DHRS3: variants seen among roughly 807,000 people sequenced by gnomAD.
The protein encoded by DHRS3 is dehydrogenase/reductase 3.
A neutral mutation model predicts 27.2 loss-of-function variants in DHRS3; 14 were observed. The ratio of observed to expected loss-of-function variants is 0.52; its 90% CI spans 0.34 to 0.81. The LOEUF (loss-of-function observed/expected upper bound fraction) is 0.81, where lower values mean the gene tolerates loss of function less well. DHRS3 is among the 30% of genes least tolerant of loss of function. The pLI is 0.01. For missense variants in DHRS3, 322 were observed against 406.2 expected (o/e 0.79, Z 1.78); for synonymous variants, 165 against 175.9 (o/e 0.94, Z 0.49).
intron 1 of DHRS3, among the ~76,000 whole-genome samples, chr1:12,611,284 T>C (rs1478859765): frequency 6.6e-6 from 1 of 152,186 alleles, no homozygotes; most frequent in Non-Finnish European, 1.5e-5. Flanking sequence ...TCAGTATTGC[T>C]AGATGGAGGA....
At chr1:12,582,938 C>T (rs1478061492) in intron 1 of DHRS3, among the ~76,000 whole-genome samples, 1 of 150,894 alleles carries the variant, frequency 6.6e-6, no homozygotes, top group East Asian at 2.0e-4. Context: ...ACCCACCCCA[C>T]TCCATCCATC....
At chr1:12,596,380 AGGT>A (rs951895232) in intron 1 of DHRS3, 1 of 152,112 alleles carries the variant, frequency 6.6e-6, no homozygotes, top group African/African-American at 2.4e-5. Context: ...GAGATTGGGG[AGGT>A]GCCTGCCTTT....
chr1:12,611,392 A>G (rs1453150850), intron 1 of DHRS3, among the ~76,000 whole-genome samples: 1 of 152,242 alleles, frequency 6.6e-6, no homozygotes, highest in African/African-American at 2.4e-5. Flanking sequence ...TGGGTCCCTT[A>G]TTCCTTTAGA....
intron 1 of DHRS3, among the ~76,000 whole-genome samples, chr1:12,606,994 T>C (rs1213648591): frequency 6.6e-6 from 1 of 152,188 alleles, no homozygotes; most frequent in Non-Finnish European, 1.5e-5. Flanking sequence ...ATAGTTTTTT[T>C]GGGATGTTCA....
chr1:12,572,707 T>C, intron 5 of DHRS3, 21 bp downstream of exon 5: 1 of 1,571,938 alleles, frequency 6.4e-7, no homozygotes, highest in Non-Finnish European at 8.6e-7. Context: ...TGACCCAGAG[T>C]GTTCTTTCCC....
At chr1:12,610,716 CTT>C (rs1356588434) in intron 1 of DHRS3, among the ~76,000 whole-genome samples, 1 of 152,214 alleles carries the variant, frequency 6.6e-6, no homozygotes, top group Non-Finnish European at 1.5e-5. Context: ...AATAGACTCA[CTT>C]TTCTCATTTC....
chr1:12,597,860 C>G (rs768147073), intron 1 of DHRS3, among the ~76,000 whole-genome samples: 4 of 152,196 alleles, frequency 2.6e-5, no homozygotes, highest in African/African-American at 7.2e-5. Flanking sequence ...GAGCCTCAAA[C>G]CAAGTGTAGG....
At chr1:12,582,689 A>G (rs76592017) in intron 1 of DHRS3, among the ~76,000 whole-genome samples, 1,700 of 152,068 alleles carry the variant, frequency 0.011, 30 homozygotes, top group African/African-American at 0.039. Flanking sequence ...CCTTGCAGCC[A>G]TTGTCATCCA....
At position 12,568,428 on chromosome 1, in the gene DHRS3, G is replaced by C; in HGVS notation, c.825-4C>G. 6.2e-7 allele frequency: 1 copy of C among 1,613,330 alleles called. No homozygotes were observed. Among genetic ancestry groups the C allele is most frequent in the Non-Finnish European group, 8.5e-7 (1 of 1,179,332 alleles). ...GAGTGCAGCCTGTGGAAGTATGCTG[G>C]AGTAGGAGGAAGAAAAGAAGATAGC... On this transcript the variant is annotated splice_polypyrimidine_tract_variant and splice_region_variant and intron_variant, in intron 5 of 5. Coordinates refer to ENST00000616661, the MANE Select transcript of DHRS3 (RefSeq NM_004753.7).
Position 12,608,972 on chromosome 1 carries a change from G to T in DHRS3, c.195+8182C>A, listed in dbSNP as rs1375039043. 6.6e-6 allele frequency among the ~76,000 whole-genome samples: 1 copy of T among 152,194 alleles called. No individual in the cohort carries two copies. Among genetic ancestry groups the T allele is most frequent in the African/African-American group, 2.4e-5 (1 of 41,450 alleles). On this transcript the variant is annotated intron_variant, in intron 1 of 5. Coordinates refer to ENST00000616661, the MANE Select transcript of DHRS3 (RefSeq NM_004753.7). The surrounding 1 kb of genome is among the most constrained non-coding windows in gnomAD (Gnocchi z 4.1). ...CTGGATACCTTCCAGTTGGTCAAGG[G>T]CCCTGTCAAAGTGCTGGCCCACATG...
Position 12,580,563 on chromosome 1 carries a change from C to T in DHRS3, c.299G>A (p.Arg100Gln), listed in dbSNP as rs779115636. 2.4e-5 allele frequency: 38 copies of T among 1,614,078 alleles called. No individual in the cohort carries two copies. Among genetic ancestry groups the T allele is most frequent in the Non-Finnish European group, 3.0e-5 (35 of 1,180,042 alleles). ...CTTGGCCGTCTGGTACACCTCCTCC[C>T]GGTTGCCCACATCACAGATGAAGTA... ...CHYFICDVGN[R>Q]EEVYQTAKAV... is the part of the protein sequence containing the mutation. The change falls in exon 2 of 6, where the codon CGG becomes CAG. Residue 100 changes from arginine (R) to glutamine (Q), a missense_variant. Transcript: ENST00000616661.
intron 5 of DHRS3, among the ~76,000 whole-genome samples, chr1:12,570,724 C>T (rs1028029321): frequency 2.0e-5 from 3 of 152,218 alleles, no homozygotes; most frequent in African/African-American, 7.2e-5. Flanking sequence ...AGGGTGGCAG[C>T]CTGACCTCAG....
intron 1 of DHRS3, chr1:12,600,223 A>T: frequency 3.9e-6 from 1 of 255,658 alleles, no homozygotes; most frequent in Non-Finnish European, 6.0e-6. Flanking sequence ...GTGTACACGT[A>T]CACACACACA....
intron 1 of DHRS3, among the ~76,000 whole-genome samples, chr1:12,610,672 G>GTA (rs1318153267): frequency 6.6e-6 from 1 of 152,184 alleles, no homozygotes; most frequent in Non-Finnish European, 1.5e-5. Flanking sequence ...GGGTGCCACA[G>GTA]CAATGAGCAC....
chr1:12,573,713 A>G (rs1646559374), intron 4 of DHRS3, among the ~76,000 whole-genome samples: 1 of 152,260 alleles, frequency 6.6e-6, no homozygotes, highest in African/African-American at 2.4e-5. Context: ...CTCAAAATGA[A>G]TGAATGAATG....
Position 12,618,035 on chromosome 1 carries a change from GCGCTCGCCCTCGCGCGCGCTCGCT to G in DHRS3, c.-711_-688del, listed in dbSNP as rs1241978164. 1.3e-5 allele frequency among the ~76,000 whole-genome samples: 2 copies of G among 152,042 alleles called. No individual in the cohort carries two copies. The highest frequency in any genetic ancestry group is 1.5e-5 in the Non-Finnish European group (1 of 68,002). On this transcript the variant is annotated 5_prime_UTR_variant, in exon 1 of 6. Coordinates refer to ENST00000616661, the MANE Select transcript of DHRS3 (RefSeq NM_004753.7). This position sits in a 1 kb window ranked among gnomAD's most constrained non-coding sequence, Gnocchi z 4.2. The stretch of plus-strand genomic sequence containing the variant: ...CCGGGTGTCAGTTTCTTTACGTGCA[GCGCTCGCCCTCGCGCGCGCTCGCT>G]CGCTCCGGCTCCCTCCCTCCCTCTC...
chr1:12,579,535 G>T, intron 2 of DHRS3, 123 bp from the exon 3 acceptor site: 1 of 1,406,766 alleles, frequency 7.1e-7, no homozygotes, highest in Non-Finnish European at 9.4e-7. Context: ...GAGTGCAGTG[G>T]CACCATCTCG....
At position 12,608,214 on chromosome 1, in the gene DHRS3, C is replaced by T. The variant is rs937166614; in HGVS notation, c.195+8940G>A. ...TTTCATCCTTTAATTCCATTTTCCA[C>T]CACCTTTTTGAAGTCCCCTTGTATA... On this transcript the variant is annotated intron_variant, in intron 1 of 5. Coordinates refer to ENST00000616661, the MANE Select transcript of DHRS3 (RefSeq NM_004753.7). The surrounding 1 kb of genome is among the most constrained non-coding windows in gnomAD (Gnocchi z 4.1). Among the ~76,000 whole-genome samples, 1 of 152,100 alleles carries T rather than the reference C, an allele frequency of 6.6e-6. No individual in the cohort carries two copies. Among genetic ancestry groups the T allele is most frequent in the Non-Finnish European group, 1.5e-5 (1 of 68,012 alleles).
intron 1 of DHRS3, among the ~76,000 whole-genome samples, chr1:12,585,348 TGTGA>T (rs768879308): frequency 7.6e-4 from 114 of 150,870 alleles, no homozygotes; most frequent in African/African-American, 2.5e-3. Flanking sequence ...TGTGTCTCTG[TGTGA>T]GTGTGTGTCT....
Sources: allele counts gnomAD v4.1 joint callset (sites outside exome capture counted in the v4.1 genomes callset), GRCh38; gene constraint gnomAD v4.1.1; non-coding constraint Gnocchi (gnomAD v3.1); transcripts MANE v1.5; gene names NCBI Gene and HGNC (gene_info 2026-07-23, HGNC 2026-07-21).